The following FOXP2 variants were observed in gnomAD, a reference collection of about 807,000 sequenced individuals.
FOXP2 encodes the protein forkhead box P2, also known as forkhead box protein P2.
FOXP2 carries 12 observed loss-of-function variants against 115.8 expected under a neutral mutation model. The observed-to-expected ratio is 0.10, with a 90% CI of 0.07 to 0.17. The LOEUF (loss-of-function observed/expected upper bound fraction) is 0.17. FOXP2 is among the 10% of genes least tolerant of loss of function. The probability of loss-of-function intolerance (pLI) is 1.00; values close to 1 mark genes in which losing one functional copy is unlikely to be tolerated. For synonymous variants in FOXP2, 328 were observed against 297.7 expected, an observed-to-expected ratio of 1.10 and a Z score of -1.05; for missense variants, 629 against 843.5, an observed-to-expected ratio of 0.75 and a Z score of 3.15.
chr7:114,609,212 CAA>C (rs960716714), intron 3 of FOXP2, among the ~76,000 whole-genome samples: 15 of 92,110 alleles, frequency 1.6e-4, no homozygotes, highest in Admixed American at 1.2e-4. Context: ...GACTCTGTCT[CAA>C]AAAAAAAAAA....
chr7:114,330,413 C>A (rs2140617), intron 2 of FOXP2, among the ~76,000 whole-genome samples: 79,535 of 150,484 alleles, frequency 0.53, 22,819 homozygotes, highest in East Asian at 0.84. Flanking sequence ...CAGGAGGATC[C>A]CTTGAGCTCA....
At chr7:114,562,094 G>T (rs1330668779) in intron 3 of FOXP2, among the ~76,000 whole-genome samples, 2 of 152,108 alleles carry the variant, frequency 1.3e-5, no homozygotes, top group Non-Finnish European at 2.9e-5. Context: ...ACTTCTTCCT[G>T]ATCATGTTGT....
At chr7:114,317,213 G>T (rs1797297573) in intron 2 of FOXP2, among the ~76,000 whole-genome samples, 1 of 152,122 alleles carries the variant, frequency 6.6e-6, no homozygotes, top group Non-Finnish European at 1.5e-5. Context: ...CCCAATTCTT[G>T]CAGTTGTCCC....
intron 1 of FOXP2, among the ~76,000 whole-genome samples, chr7:114,232,588 C>T (rs904296387): frequency 2.0e-5 from 3 of 151,902 alleles, no homozygotes; most frequent in Non-Finnish European, 4.4e-5. Flanking sequence ...CTTAGGCGGG[C>T]GGATCACCTG....
chr7:114,533,189 T>G (rs1287029029), intron 2 of FOXP2, among the ~76,000 whole-genome samples: 1 of 151,972 alleles, frequency 6.6e-6, no homozygotes, highest in South Asian at 2.1e-4. Flanking sequence ...TGCCAGATCC[T>G]GCTATCGGAA....
At chr7:114,546,112 C>T (rs1799911579) in intron 3 of FOXP2, among the ~76,000 whole-genome samples, 1 of 152,152 alleles carries the variant, frequency 6.6e-6, no homozygotes, top group African/African-American at 2.4e-5. Flanking sequence ...CTATCAAGCC[C>T]CTCTTTTCTC....
At position 114,255,713 on chromosome 7, in the gene FOXP2, A is replaced by G. The variant is rs539458789; in HGVS notation, c.-101-32306A>G. ...TGTCACAGCTTCGCTTGGCTAGGAA[A>G]GGGAAATTCCTGACCCTTGTGCTTC... On this transcript the variant is annotated intron_variant, in intron 1 of 17. Coordinates refer to the FOXP2 transcript ENST00000634411. 7.9e-5 allele frequency among the ~76,000 whole-genome samples: 12 copies of G among 152,284 alleles called. No homozygotes were observed. In the East Asian group the frequency reaches 1.9e-3, roughly 25 times the overall value.
At chr7:114,517,106 G>A (rs987124112) in intron 2 of FOXP2, among the ~76,000 whole-genome samples, 1 of 151,832 alleles carries the variant, frequency 6.6e-6, no homozygotes, top group South Asian at 2.1e-4. Flanking sequence ...GATGAGTGAT[G>A]TTGAGCATTT....
intron 3 of FOXP2, among the ~76,000 whole-genome samples, chr7:114,595,065 G>A (rs1255446979): frequency 2.0e-5 from 3 of 151,934 alleles, no homozygotes; most frequent in Admixed American, 1.3e-4. Flanking sequence ...ATAACATAAT[G>A]AACTTATACT....
At chr7:114,647,595 G>C (rs114501203) in intron 8 of FOXP2, among the ~76,000 whole-genome samples, 2,472 of 151,954 alleles carry the variant, frequency 0.016, 54 homozygotes, top group African/African-American at 0.056. Context: ...TTGAGTTTTA[G>C]TGTAAAGTAG....
intron 2 of FOXP2, among the ~76,000 whole-genome samples, chr7:114,300,902 G>A (rs77931185): frequency 0.023 from 3,511 of 152,024 alleles, 89 homozygotes; most frequent in African/African-American, 0.055. Context: ...CTAAGACAGA[G>A]CTGACTAGGC....
intron 1 of FOXP2, among the ~76,000 whole-genome samples, chr7:114,248,760 T>C (rs1169293901): frequency 6.6e-6 from 1 of 152,194 alleles, no homozygotes; most frequent in African/African-American, 2.4e-5. Flanking sequence ...ATGTAACACT[T>C]ATTTTGTGCC....
intron 15 of FOXP2, 72 bp from the exon 16 acceptor site, chr7:114,664,201 G>A: frequency 3.3e-6 from 5 of 1,495,862 alleles, no homozygotes; most frequent in Non-Finnish European, 4.6e-6. Context: ...CCCATTAAAA[G>A]AAGATACATG....
intron 2 of FOXP2, among the ~76,000 whole-genome samples, chr7:114,438,458 C>T (rs2129211016): frequency 1.3e-5 from 2 of 151,796 alleles, no homozygotes; most frequent in South Asian, 4.2e-4. Context: ...AGAAGAAAAC[C>T]CATATGCCTA....
At chr7:114,689,075 T>G (rs1405392999) in intron 16 of FOXP2, among the ~76,000 whole-genome samples, 1 of 152,154 alleles carries the variant, frequency 6.6e-6, no homozygotes, top group Non-Finnish European at 1.5e-5. Flanking sequence ...CTAATATATT[T>G]TGGGGTTGGA....
At chr7:114,407,036 T>C (rs1793053198) in intron 2 of FOXP2, among the ~76,000 whole-genome samples, 1 of 151,710 alleles carries the variant, frequency 6.6e-6, no homozygotes, top group African/African-American at 2.4e-5. Flanking sequence ...AGAGAAATAG[T>C]AAGAAAAGGG....
At chr7:114,212,156 A>C (rs1160374497) in intron 1 of FOXP2, among the ~76,000 whole-genome samples, 3 of 150,820 alleles carry the variant, frequency 2.0e-5, no homozygotes, top group Non-Finnish European at 4.4e-5. Context: ...CCTTCTGCAA[A>C]GTATTGGAGA....
At chr7:114,167,399 G>C (rs1348870944) in intron 1 of FOXP2, among the ~76,000 whole-genome samples, 1 of 152,156 alleles carries the variant, frequency 6.6e-6, no homozygotes, top group Non-Finnish European at 1.5e-5. Context: ...ACTTTGTTGT[G>C]CTTTGCAGAT....
intron 1 of FOXP2, among the ~76,000 whole-genome samples, chr7:114,415,725 C>T (rs1196366896): frequency 1.3e-5 from 2 of 151,850 alleles, no homozygotes; most frequent in African/African-American, 4.8e-5. Context: ...GTAAATGCCC[C>T]AGTATGTGTC....
Sources: allele counts gnomAD v4.1 joint callset (sites outside exome capture counted in the v4.1 genomes callset), GRCh38; gene constraint gnomAD v4.1.1; transcripts MANE v1.5; gene names NCBI Gene and HGNC (gene_info 2026-07-23, HGNC 2026-07-21).